The following NTSR1 variants were observed in gnomAD, a reference collection of about 807,000 sequenced individuals.
NTSR1 encodes neurotensin receptor 1, also known as neurotensin receptor type 1.
Under a neutral mutation model 31.2 loss-of-function variants are expected in NTSR1, and 29 were observed. The ratio of observed to expected loss-of-function variants is 0.93; its 90% confidence interval spans 0.69 to 1.27. The LOEUF is 1.27. Among genes scored for constraint, NTSR1 ranks in the 50% most tolerant of loss-of-function variants. The pLI is 0.00. For synonymous variants in NTSR1, 282 were observed against 269.9 expected (o/e 1.04, Z -0.44); for missense variants, 697 against 595.4 (o/e 1.17, Z -1.78).
Position 62,714,900 on chromosome 20 carries a change from T to C in NTSR1, c.714+4979T>C, listed in dbSNP as rs1418306188. Among the ~76,000 whole-genome samples the C allele has an allele frequency of 6.6e-6, 1 of 152,200 alleles. No homozygotes were observed. Among genetic ancestry groups the C allele is most frequent in the Non-Finnish European group, 1.5e-5 (1 of 68,044 alleles). ...AGTGAATAGCTACAAATTCTTGTTG[T>C]CCAGAGCTGTTGTGGGTATGGTTTT... is the stretch of plus-strand genomic sequence containing the variant. On this transcript the variant is annotated intron_variant, in intron 1 of 3. Coordinates refer to ENST00000370501, the MANE Select transcript of NTSR1 (RefSeq NM_002531.3). This position sits in a 1 kb window ranked among gnomAD's most constrained non-coding sequence, Gnocchi z 4.1.
intron 1 of NTSR1, among the ~76,000 whole-genome samples, chr20:62,747,422 G>A (rs1258045741): frequency 7.5e-6 from 1 of 132,490 alleles, no homozygotes; most frequent in Admixed American, 7.6e-5. Context: ...ACCACACTCA[G>A]TGTAAAGGCC....
chr20:62,762,344 G>C lies in NTSR1; in HGVS notation c.*2077G>C, dbSNP rs1024632918. 1 of 152,192 alleles carries C rather than the reference G, an allele frequency of 6.6e-6. No individual in the cohort carries two copies. The highest frequency in any genetic ancestry group is 1.5e-5 in the Non-Finnish European group (1 of 68,036). 9.4% of individuals were successfully genotyped at this position (152,192 alleles called of 1,614,324 possible). On this transcript the variant is annotated 3_prime_UTR_variant, in exon 4 of 4. Transcript: ENST00000370501. Reference sequence around the variant, plus strand: ...GGATCCACCCCGGAACAGACAGAATGGTGTCTCTCAGGATGGTGCTCTGAG... The same window carrying C: ...GGATCCACCCCGGAACAGACAGAATCGTGTCTCTCAGGATGGTGCTCTGAG...
intron 1 of NTSR1, among the ~76,000 whole-genome samples, chr20:62,740,360 C>T (rs959562151): frequency 7.2e-6 from 1 of 138,018 alleles, no homozygotes; most frequent in African/African-American, 3.2e-5. Context: ...ATAGGGTGAG[C>T]GGCAGGCAGA....
rs1232458462 is a variant in NTSR1, at chr20:62,758,507, T to C, written c.1007+151T>C. 2.9e-6 allele frequency: 2 copies of C among 692,542 alleles called. No individual in the cohort carries two copies. Among genetic ancestry groups the C allele is most frequent in the Non-Finnish European group, 5.0e-6 (2 of 398,466 alleles). 42.9% of individuals were successfully genotyped at this position (692,542 alleles called of 1,614,324 possible). A position where few individuals can be genotyped will look rare whatever the true frequency, so the allele number is the denominator to read the frequency against. ...CCCCTGGGCAGGGTTGTGCTGTGAC[T>C]GGGGCCGGGAGAAGGCCATGGAGGG... On this transcript the variant is annotated intron_variant, in intron 3 of 3. Coordinates refer to ENST00000370501, the MANE Select transcript of NTSR1 (RefSeq NM_002531.3). The surrounding 1 kb of genome is among the most constrained non-coding windows in gnomAD (Gnocchi z 4.5).
chr20:62,758,618 G>A lies in NTSR1; in HGVS notation c.1007+262G>A, dbSNP rs371818006. On this transcript the variant is annotated intron_variant, in intron 3 of 3. Coordinates refer to ENST00000370501, the MANE Select transcript of NTSR1 (RefSeq NM_002531.3). The surrounding 1 kb of genome is among the most constrained non-coding windows in gnomAD (Gnocchi z 4.5). Reference sequence around the variant, plus strand: ...AGAGAGATGGCCCAGGCAGTTTCCCGAAGGTGAAAGAGAGACATCCCTGGC... The same window carrying A: ...AGAGAGATGGCCCAGGCAGTTTCCCAAAGGTGAAAGAGAGACATCCCTGGC... Among the ~76,000 whole-genome samples the A allele has an allele frequency of 6.0e-4, 92 of 152,232 alleles. 1 individual carries two copies. The South Asian group carries it at 9.5e-3, about 16-fold the overall frequency.
chr20:62,748,585 GGAACA>G (rs1412997220), intron 1 of NTSR1, among the ~76,000 whole-genome samples: 1 of 152,006 alleles, frequency 6.6e-6, no homozygotes, highest in Non-Finnish European at 1.5e-5. Context: ...ATAGACCCAC[GGAACA>G]GAACAGAGAG....
intron 1 of NTSR1, among the ~76,000 whole-genome samples, chr20:62,718,706 T>C (rs1190218369): frequency 6.6e-6 from 1 of 152,232 alleles, no homozygotes; most frequent in Non-Finnish European, 1.5e-5. Context: ...CAGGCGTTCC[T>C]TTTTATTGTG....
chr20:62,741,455 C>T lies in NTSR1; in HGVS notation c.715-13230C>T, dbSNP rs373451940. Among the ~76,000 whole-genome samples, 190 of 149,744 alleles carry T rather than the reference C, an allele frequency of 1.3e-3. 15 individuals are homozygous for T. Among genetic ancestry groups the T allele is most frequent in the African/African-American group, 4.6e-3 (185 of 40,226 alleles). ...GCTCAGAGGACGGGTCTGCAGGTGG[C>T]CAGAGTTCTCCTGATGGGGTCCTTG... On this transcript the variant is annotated intron_variant, in intron 1 of 3. Coordinates refer to ENST00000370501, the MANE Select transcript of NTSR1 (RefSeq NM_002531.3). The surrounding 1 kb of genome is among the most constrained non-coding windows in gnomAD (Gnocchi z 4.3).
At position 62,743,030 on chromosome 20, in the gene NTSR1, C is replaced by A. The variant is rs755917564; in HGVS notation, c.715-11655C>A. On this transcript the variant is annotated intron_variant, in intron 1 of 3. Transcript: ENST00000370501. The surrounding 1 kb of genome is among the most constrained non-coding windows in gnomAD (Gnocchi z 7.5). ...GGGAGTCTAGCTTTTGGGGGACACA[C>A]CTGAGACCCTCCCAGCTACCCTGCC... is the stretch of plus-strand genomic sequence containing the variant. Among the ~76,000 whole-genome samples, 1 of 149,594 alleles carries A rather than the reference C, an allele frequency of 6.7e-6. No individual in the cohort carries two copies. Among genetic ancestry groups the A allele is most frequent in the Admixed American group, 6.7e-5 (1 of 14,900 alleles).
At chr20:62,725,025 G>A (rs1021174864) in intron 1 of NTSR1, among the ~76,000 whole-genome samples, 13 of 152,212 alleles carry the variant, frequency 8.5e-5, no homozygotes, top group Non-Finnish European at 1.5e-4. Flanking sequence ...TCCAATGGAC[G>A]TATCTTTTCG....
chr20:62,714,527 C>T lies in NTSR1; in HGVS notation c.714+4606C>T, dbSNP rs546599529. Among the ~76,000 whole-genome samples, 3 of 152,070 alleles carry T rather than the reference C, an allele frequency of 2.0e-5. No individual in the cohort carries two copies. Among genetic ancestry groups the T allele is most frequent in the Admixed American group, 2.0e-4 (3 of 15,262 alleles). On this transcript the variant is annotated intron_variant, in intron 1 of 3. Transcript: ENST00000370501. The surrounding 1 kb of genome is among the most constrained non-coding windows in gnomAD (Gnocchi z 4.1). ...GGATTCTTGACAGCTGCTGGGGTCA[C>T]GAAGGGGAGAGAGTTAGGTGTGAGG... is the stretch of plus-strand genomic sequence containing the variant.
At chr20:62,721,682 G>A (rs1950926189) in intron 1 of NTSR1, among the ~76,000 whole-genome samples, 1 of 152,192 alleles carries the variant, frequency 6.6e-6, no homozygotes, top group South Asian at 2.1e-4. Flanking sequence ...GGTAACTCCA[G>A]GACTTGTGTT....
At position 62,758,402 on chromosome 20, in the gene NTSR1, TC is replaced by T; in HGVS notation, c.1007+49del. ...AGTTGGGTGCTGGACAAGTAAGTGC[TC>T]CCAAAACAGATGGTGGGTGTGGCAG... On this transcript the variant is annotated intron_variant, in intron 3 of 3. Coordinates refer to ENST00000370501, the MANE Select transcript of NTSR1 (RefSeq NM_002531.3). This position sits in a 1 kb window ranked among gnomAD's most constrained non-coding sequence, Gnocchi z 4.5. 6.5e-7 allele frequency: 1 copy of T among 1,538,530 alleles called. No individual in the cohort carries two copies. The highest frequency in any genetic ancestry group is 1.1e-5 in the South Asian group (1 of 89,336).
Position 62,733,004 on chromosome 20 carries a change from G to A in NTSR1, c.715-21681G>A, listed in dbSNP as rs1989025431. On this transcript the variant is annotated intron_variant, in intron 1 of 3. Coordinates refer to ENST00000370501, the MANE Select transcript of NTSR1 (RefSeq NM_002531.3). The surrounding 1 kb of genome is among the most constrained non-coding windows in gnomAD (Gnocchi z 5.2). Reference sequence around the variant, plus strand: ...GCTGGCAGCCTCCAGGTGCTGGAATGTTTCTCGGTGAGAAGCCGCCACGGG... The same window carrying A: ...GCTGGCAGCCTCCAGGTGCTGGAATATTTCTCGGTGAGAAGCCGCCACGGG... 6.6e-6 allele frequency: 1 copy of A among 151,998 alleles called. No individual in the cohort carries two copies. The highest frequency in any genetic ancestry group is 2.4e-5 in the African/African-American group (1 of 41,364). The allele number at this position is 151,998 out of a possible 1,614,324, so 9.4% of individuals were successfully genotyped here. A position where few individuals can be genotyped will look rare whatever the true frequency, so the allele number is the denominator to read the frequency against.
At chr20:62,710,894 G>A (rs1988597212) in intron 1 of NTSR1, among the ~76,000 whole-genome samples, 1 of 152,208 alleles carries the variant, frequency 6.6e-6, no homozygotes, top group African/African-American at 2.4e-5. Context: ...AAGGAAGCCA[G>A]AGGGTGAAGG....
chr20:62,722,479 C>A (rs571066840), intron 1 of NTSR1, among the ~76,000 whole-genome samples: 15 of 152,342 alleles, frequency 9.8e-5, no homozygotes, highest in African/African-American at 3.6e-4. Flanking sequence ...TCTGTACACG[C>A]TGGGCCAGCA....
intron 1 of NTSR1, among the ~76,000 whole-genome samples, chr20:62,712,082 T>C (rs368918221): frequency 1.3e-5 from 2 of 152,202 alleles, no homozygotes. Flanking sequence ...CCTGGGGCTT[T>C]CCAGGGCCCC....
At chr20:62,723,504 A>T (rs746155313) in intron 1 of NTSR1, among the ~76,000 whole-genome samples, 19 of 152,062 alleles carry the variant, frequency 1.2e-4, no homozygotes, top group Non-Finnish European at 2.4e-4. Flanking sequence ...GCCCAGCAGG[A>T]TGTGCACAGT....
chr20:62,757,316 G>GA (rs143211871), intron 2 of NTSR1, among the ~76,000 whole-genome samples: 206 of 152,264 alleles, frequency 1.4e-3, no homozygotes, highest in African/African-American at 4.7e-3. Context: ...ACCCTTTGTT[G>GA]AATAGACTGT....
Sources: gnomAD v4.1 joint callset for allele counts (sites outside exome capture counted in the v4.1 genomes callset) on GRCh38, gnomAD v4.1.1 for gene constraint, Gnocchi (gnomAD v3.1) non-coding constraint, MANE v1.5 for transcripts, NCBI Gene and HGNC (gene_info 2026-07-23, HGNC 2026-07-21) for gene names.